The following CPAMD8 variants were observed in gnomAD, a reference collection of about 807,000 sequenced individuals.
CPAMD8 encodes the protein C3 and PZP like alpha-2-macroglobulin domain containing 8.
A neutral mutation model predicts 224.7 loss-of-function variants in CPAMD8; 146 were observed. The observed-to-expected ratio is 0.65, with a 90% CI of 0.57 to 0.75. The LOEUF (loss-of-function observed/expected upper bound fraction) is 0.75, where lower values mean the gene tolerates loss of function less well. CPAMD8 is among the 30% of genes least tolerant of loss of function. CPAMD8 has a pLI of 0.00. For synonymous variants in CPAMD8, 966 were observed against 1,044.6 expected (o/e 0.92, Z 1.45); for missense variants, 2,301 against 2,537.5 (o/e 0.91, Z 2.00).
intron 2 of CPAMD8, among the ~76,000 whole-genome samples, chr19:17,020,578 C>T (rs1236248593): frequency 6.6e-6 from 1 of 152,140 alleles, no homozygotes. Flanking sequence ...ATGGACAAAG[C>T]TGAGCTATTC....
chr19:16,947,344 G>A (rs2054139743), intron 20 of CPAMD8, 117 bp from the exon 21 acceptor site: 5 of 1,264,468 alleles, frequency 4.0e-6, no homozygotes, highest in Middle Eastern at 2.3e-4. Flanking sequence ...GCCTCCCAAA[G>A]AGCCATGCTC....
At chr19:17,025,922 C>T (rs1380652652) in intron 1 of CPAMD8, among the ~76,000 whole-genome samples, 4 of 152,196 alleles carry the variant, frequency 2.6e-5, no homozygotes, top group Non-Finnish European at 4.4e-5. Flanking sequence ...GCTGCTTGAA[C>T]AAGCCGCCTT....
At chr19:16,976,290 A>G (rs1430696703) in intron 15 of CPAMD8, 139 bp from the exon 16 acceptor site, 1 of 567,244 alleles carries the variant, frequency 1.8e-6, no homozygotes, top group Non-Finnish European at 3.1e-6. Context: ...AGCCTGGCCA[A>G]CATGGTGAAA....
intron 6 of CPAMD8, 189 bp downstream of exon 6, chr19:17,009,114 G>A (rs550781736): frequency 1.1e-4 from 86 of 812,554 alleles, no homozygotes; most frequent in East Asian, 2.3e-4. Flanking sequence ...AAAAGGAAAC[G>A]GACAGACACA....
At chr19:16,974,251 C>T (rs1292825650) in intron 17 of CPAMD8, among the ~76,000 whole-genome samples, 2 of 152,072 alleles carry the variant, frequency 1.3e-5, no homozygotes, top group East Asian at 3.9e-4. Context: ...CCTGCCTCAG[C>T]CTCCCGAGTA....
At position 17,022,186 on chromosome 19, in the gene CPAMD8, A is replaced by G; in HGVS notation, c.93-5T>C. 1 of 1,608,726 alleles carries G rather than the reference A, an allele frequency of 6.2e-7. No individual in the cohort carries two copies. Among genetic ancestry groups the G allele is most frequent in the East Asian group, 2.2e-5 (1 of 44,650 alleles). Reference sequence around the variant, plus strand: ...GGAGCTGCAATCAAGTAACCCCTGCAGGAAAGGAGATCCGAGGTGAAGTTC... The same window carrying G: ...GGAGCTGCAATCAAGTAACCCCTGCGGGAAAGGAGATCCGAGGTGAAGTTC... On this transcript the variant is annotated splice_region_variant and splice_polypyrimidine_tract_variant and intron_variant, in intron 1 of 41. Coordinates refer to ENST00000443236, the MANE Select transcript of CPAMD8 (RefSeq NM_015692.5).
chr19:16,937,475 G>T (rs1241127094), intron 23 of CPAMD8, among the ~76,000 whole-genome samples: 1 of 151,504 alleles, frequency 6.6e-6, no homozygotes. Flanking sequence ...CCAGCCTCAT[G>T]TGTTGTTGTT....
chr19:16,953,339 C>CAA (rs80093904), intron 19 of CPAMD8, among the ~76,000 whole-genome samples: 8 of 94,390 alleles, frequency 8.5e-5, no homozygotes, highest in African/African-American at 2.1e-4. Context: ...AAGGTACAAG[C>CAA]AAAAAAAAAA....
intron 12 of CPAMD8, among the ~76,000 whole-genome samples, chr19:16,989,992 C>G (rs570403958): frequency 7.2e-5 from 11 of 152,330 alleles, no homozygotes; most frequent in Non-Finnish European, 1.3e-4. Context: ...TGACTCACAC[C>G]TGTAATCACA....
chr19:16,946,102 T>A (rs2054068938), intron 21 of CPAMD8, among the ~76,000 whole-genome samples: 2 of 152,098 alleles, frequency 1.3e-5, no homozygotes, highest in South Asian at 4.1e-4. Context: ...CATGTGTGTA[T>A]GTGTGTGCAT....
intron 19 of CPAMD8, among the ~76,000 whole-genome samples, chr19:16,954,332 C>CAA (rs371839176): frequency 1.1e-4 from 10 of 92,992 alleles, no homozygotes; most frequent in South Asian, 3.6e-4. Flanking sequence ...GACTCTATCT[C>CAA]AAAAAAAAAA....
In CPAMD8 at chr19:16,895,974, G is replaced by A. The variant is rs757870354; in HGVS notation, c.5426+202C>T. Reference sequence around the variant, plus strand: ...AGCTGTTCGCTGGTGGGTGTTGCGTGGGCCAGGGTGGAGGGAGGATGAATG... The same window carrying A: ...AGCTGTTCGCTGGTGGGTGTTGCGTAGGCCAGGGTGGAGGGAGGATGAATG... On this transcript the variant is annotated intron_variant, in intron 41 of 41. Transcript: ENST00000443236. 7.1e-6 allele frequency: 5 copies of A among 704,070 alleles called. No homozygotes were observed. In the South Asian group the frequency reaches 7.4e-5, roughly 10 times the overall value. The allele number at this position is 704,070 out of a possible 1,614,324, so 43.6% of individuals were successfully genotyped here. A position where few individuals can be genotyped will look rare whatever the true frequency, so the allele number is the denominator to read the frequency against.
At chr19:16,906,274 CCTTT>C (rs2052472887) in intron 30 of CPAMD8, among the ~76,000 whole-genome samples, 2 of 151,968 alleles carry the variant, frequency 1.3e-5, no homozygotes, top group South Asian at 2.1e-4. Context: ...TTCCTTCCTT[CCTTT>C]CTTCCTCTCC....
At chr19:16,971,125 G>T (rs2055049542) in intron 17 of CPAMD8, 92 bp from the exon 18 acceptor site, 1 of 1,154,558 alleles carries the variant, frequency 8.7e-7, no homozygotes, top group Non-Finnish European at 1.2e-6. Context: ...TGTGGCCACT[G>T]TCCCAATATC....
intron 7 of CPAMD8, 53 bp downstream of exon 7, chr19:17,008,452 C>T: frequency 6.2e-7 from 1 of 1,602,450 alleles, no homozygotes; most frequent in East Asian, 2.2e-5. Flanking sequence ...ATTCTGTTTT[C>T]CTGGAAGGTT....
intron 27 of CPAMD8, among the ~76,000 whole-genome samples, chr19:16,920,720 A>T (rs3843757): frequency 2.3e-4 from 35 of 151,266 alleles, no homozygotes; most frequent in African/African-American, 6.6e-4. Context: ...GCTGGGCATG[A>T]TGGTGCACAC....
rs1273606519 is a variant in CPAMD8 at position 17,009,365 on chromosome 19, C to A, written c.487-45G>T. 1.9e-6 allele frequency: 3 copies of A among 1,613,894 alleles called. No individual in the cohort carries two copies. The South Asian group carries it at 3.3e-5, about 18-fold the overall frequency. On this transcript the variant is annotated intron_variant, in intron 5 of 41. Coordinates refer to ENST00000443236, the MANE Select transcript of CPAMD8 (RefSeq NM_015692.5). ...GCAGTGAGCAAATCTTCCAGCAAACCCCAAACCCTTTCAACATGCTCATGC... is the reference window on the plus strand; with the variant it reads ...GCAGTGAGCAAATCTTCCAGCAAACACCAAACCCTTTCAACATGCTCATGC...
intron 27 of CPAMD8, among the ~76,000 whole-genome samples, chr19:16,919,901 T>C (rs538090424): frequency 6.6e-6 from 1 of 152,348 alleles, no homozygotes; most frequent in African/African-American, 2.4e-5. Flanking sequence ...GGCACTGCAC[T>C]GAGTGTACCA....
intron 21 of CPAMD8, among the ~76,000 whole-genome samples, chr19:16,946,224 T>C (rs2054076295): frequency 6.6e-6 from 1 of 151,404 alleles, no homozygotes; most frequent in Admixed American, 6.6e-5. Flanking sequence ...TGTCTGTGTG[T>C]GTGGATTTGT....
Sources: allele counts gnomAD v4.1 joint callset (sites outside exome capture counted in the v4.1 genomes callset), GRCh38; gene constraint gnomAD v4.1.1; transcripts MANE v1.5; gene names NCBI Gene and HGNC (gene_info 2026-07-23, HGNC 2026-07-21).